Variants in LAMA1 observed in about 807,000 individuals in gnomAD.
The protein encoded by LAMA1 is laminin subunit alpha-1.
Under a neutral mutation model 348.7 loss-of-function variants are expected in LAMA1, and 219 were observed. The observed-to-expected ratio is 0.63, with a 90% CI of 0.56 to 0.70. The LOEUF is 0.70. Ranked by LOEUF, LAMA1 falls within the 30% of genes least tolerant of loss-of-function variation. The pLI, the probability that LAMA1 is intolerant of heterozygous loss-of-function variation, is 0.00. For missense variants in LAMA1, 3,744 were observed against 3,888.0 expected, an observed-to-expected ratio of 0.96 and a Z score of 0.99; for synonymous variants, 1,487 against 1,491.0, an observed-to-expected ratio of 1.00 and a Z score of 0.06.
chr18:7,028,006 G>T (rs1283212830), intron 16 of LAMA1, among the ~76,000 whole-genome samples: 1 of 152,092 alleles, frequency 6.6e-6, no homozygotes, highest in African/African-American at 2.4e-5. Context: ...TAAAAACTGT[G>T]AAAAGAGAAA....
intron 5 of LAMA1, among the ~76,000 whole-genome samples, chr18:7,048,832 C>A (rs1170071754): frequency 6.6e-6 from 1 of 152,008 alleles, no homozygotes; most frequent in Non-Finnish European, 1.5e-5. Flanking sequence ...TGGCATTCAC[C>A]ACATTATGGC....
intron 1 of LAMA1, among the ~76,000 whole-genome samples, chr18:7,088,404 T>G (rs1475550405): frequency 6.6e-6 from 1 of 152,194 alleles, no homozygotes; most frequent in Non-Finnish European, 1.5e-5. Flanking sequence ...GAGGTAACAC[T>G]GAACGGGTTA....
intron 39 of LAMA1, among the ~76,000 whole-genome samples, chr18:6,983,902 T>A (rs1474329522): frequency 6.6e-6 from 1 of 152,230 alleles, no homozygotes; most frequent in Non-Finnish European, 1.5e-5. Context: ...TCCAAGGTTA[T>A]TGAGTCGGGC....
intron 47 of LAMA1, 71 bp from the exon 48 acceptor site, chr18:6,972,052 C>T: frequency 6.3e-7 from 1 of 1,579,054 alleles, no homozygotes; most frequent in Middle Eastern, 1.7e-4. Flanking sequence ...TCCAAGTGCA[C>T]AAAACTTCTC....
Position 6,995,450 on chromosome 18 carries a change from G to T in LAMA1, c.4807-4C>A. 1 of 1,485,400 alleles carries T rather than the reference G, an allele frequency of 6.7e-7. No homozygotes were observed. The highest frequency in any genetic ancestry group is 9.4e-7 in the Non-Finnish European group (1 of 1,062,918). 92.0% of individuals were successfully genotyped at this position (1,485,400 alleles called of 1,614,324 possible). A position where few individuals can be genotyped will look rare whatever the true frequency, so the allele number is the denominator to read the frequency against. ...TATTTTCTTTTAATAAAGATTCCTA[G>T]GAAGAATGGAGGAAACAAATTACAA... On this transcript the variant is annotated splice_polypyrimidine_tract_variant and splice_region_variant and intron_variant, in intron 33 of 62. Coordinates refer to ENST00000389658, the MANE Select transcript of LAMA1 (RefSeq NM_005559.4).
At chr18:7,112,173 C>A (rs1297672072) in intron 1 of LAMA1, among the ~76,000 whole-genome samples, 1 of 152,090 alleles carries the variant, frequency 6.6e-6, no homozygotes, top group Non-Finnish European at 1.5e-5. Flanking sequence ...AGTTTTTAAA[C>A]CCCAAAAGAT....
intron 50 of LAMA1, 28 bp downstream of exon 50, chr18:6,965,260 C>T (rs1340766054): frequency 6.2e-7 from 1 of 1,614,030 alleles, no homozygotes; most frequent in South Asian, 1.1e-5. Context: ...GGGTGACCGA[C>T]ATCTGGTGAG....
chr18:7,036,447 C>T (rs2057995166), intron 12 of LAMA1, among the ~76,000 whole-genome samples: 1 of 152,232 alleles, frequency 6.6e-6, no homozygotes, highest in East Asian at 1.9e-4. Context: ...ACAATCTCCA[C>T]ATTTTCATTT....
At chr18:6,957,072 G>C in intron 55 of LAMA1, 1 of 381,988 alleles carries the variant, frequency 2.6e-6, no homozygotes, top group Non-Finnish European at 5.0e-6. Flanking sequence ...CCTTGACTGG[G>C]CTGCCTCAGG....
In LAMA1 at chr18:7,032,129, T is replaced by G; in HGVS notation, c.2211A>C (p.Gly737=). The change falls in exon 16 of 63, where the codon GGA becomes GGC. Residue 737 remains glycine, a synonymous_variant. Transcript: ENST00000389658. ...CGTGGCATTCACAGGGTTGACAAAT[T>G]CCTCCAAAGAGTATTCCATCCACGC... The part of the protein sequence containing the change: ...YYRVDGILFG[G]ICQPCECHGH... 1.2e-6 allele frequency: 2 copies of G among 1,614,126 alleles called. No individual in the cohort carries two copies. The highest frequency in any genetic ancestry group is 1.7e-6 in the Non-Finnish European group (2 of 1,180,028).
At chr18:7,024,612 C>T in intron 17 of LAMA1, 146 bp from the exon 18 acceptor site, 5 of 701,286 alleles carry the variant, frequency 7.1e-6, no homozygotes, top group Non-Finnish European at 1.3e-5. Context: ...TCTGGTCACC[C>T]AGCCCACCCT....
chr18:7,009,420 A>C, intron 26 of LAMA1, 54 bp from the exon 27 acceptor site: 1 of 1,574,342 alleles, frequency 6.4e-7, no homozygotes. Context: ...TCTGACAGGC[A>C]TAAAACTTAT....
At position 6,947,302 on chromosome 18, in the gene LAMA1, A is replaced by T; in HGVS notation, c.8711-6T>A. 1.2e-6 allele frequency: 2 copies of T among 1,613,378 alleles called. No homozygotes were observed. Among genetic ancestry groups the T allele is most frequent in the East Asian group, 4.5e-5 (2 of 44,868 alleles). ...GACTTTGTAGCCCTCTTTGACTGTA[A>T]CACACAAGGAGGACCCAAGTCAGGG... is the stretch of plus-strand genomic sequence containing the variant. On this transcript the variant is annotated splice_polypyrimidine_tract_variant and splice_region_variant and intron_variant, in intron 60 of 62. Transcript: ENST00000389658.
Position 7,079,996 on chromosome 18 carries a change from T to G in LAMA1, c.324A>C (p.Thr108=), listed in dbSNP as rs933207253. ...IQNGREYHWV[T]ITLDLRQVFQ... ...CTACCTGTCTTAAGTCCAGAGTGAT[T>G]GTGACCCAGTGATATTCTCTCCCAT... The change falls in exon 3 of 63, where the codon ACA becomes ACC. Residue 108 remains threonine (T), a synonymous_variant. Transcript: ENST00000389658. 3 of 1,613,886 alleles carry G rather than the reference T, an allele frequency of 1.9e-6. No homozygotes were observed. Among genetic ancestry groups the G allele is most frequent in the Middle Eastern group, 3.3e-4 (2 of 6,062 alleles).
rs545562263 is a variant in LAMA1, at chr18:7,094,119, C to T, written c.62-13662G>A. 1.0e-3 allele frequency among the ~76,000 whole-genome samples: 155 copies of T among 152,118 alleles called. 1 individual carries two copies. The highest frequency in any genetic ancestry group is 3.7e-3 in the African/African-American group (153 of 41,484). ...CACATGTACAAATCTCCTGGGTATC[C>T]GGTTCCAGTGCAGATTCTGATGCAG... On this transcript the variant is annotated intron_variant, in intron 1 of 62. Coordinates refer to ENST00000389658, the MANE Select transcript of LAMA1 (RefSeq NM_005559.4).
chr18:7,085,640 G>A (rs7230168), intron 1 of LAMA1, among the ~76,000 whole-genome samples: 3,096 of 151,900 alleles, frequency 0.02, 93 homozygotes, highest in African/African-American at 0.069. Context: ...GGATGGTCTC[G>A]ATCTCCTGAC....
At chr18:6,998,651 C>A (rs769885647) in intron 32 of LAMA1, among the ~76,000 whole-genome samples, 53 of 152,216 alleles carry the variant, frequency 3.5e-4, no homozygotes, top group African/African-American at 1.2e-3. Flanking sequence ...TCCCTATCTT[C>A]CCCATTAACC....
At chr18:7,032,889 TAAAAATCAA>T in intron 15 of LAMA1, 86 bp downstream of exon 15, 1 of 946,340 alleles carries the variant, frequency 1.1e-6, no homozygotes, top group Admixed American at 2.0e-5. Flanking sequence ...CTGCTAAAGC[TAAAAATCAA>T]ATGTTTGCCA....
chr18:6,970,080 T>C (rs2057651376), intron 48 of LAMA1, among the ~76,000 whole-genome samples: 1 of 152,162 alleles, frequency 6.6e-6, no homozygotes, highest in Non-Finnish European at 1.5e-5. Context: ...CGGGGTGTTT[T>C]TCATGTTAGA....
Sources: gnomAD v4.1 joint callset for allele counts (sites outside exome capture counted in the v4.1 genomes callset) on GRCh38, gnomAD v4.1.1 for gene constraint, MANE v1.5 for transcripts, NCBI Gene and HGNC (gene_info 2026-07-23, HGNC 2026-07-21) for gene names.